CCDC97: variants seen among roughly 807,000 people sequenced by gnomAD.
The protein encoded by CCDC97 is coiled-coil domain-containing protein 97.
A neutral mutation model predicts 33.9 loss-of-function variants in CCDC97; 27 were observed. The observed-to-expected ratio is 0.80, with a 90% CI of 0.59 to 1.10. The LOEUF (loss-of-function observed/expected upper bound fraction) is 1.10. Among genes scored for constraint, CCDC97 ranks in the 50% least tolerant of loss-of-function variants. The pLI is 0.00. For missense variants in CCDC97, 422 were observed against 476.6 expected (o/e 0.89, Z 1.07); for synonymous variants, 217 against 194.0 (o/e 1.12, Z -0.99).
chr19:41,321,854 C>T (rs539975857), intron 4 of CCDC97, among the ~76,000 whole-genome samples: 5 of 152,292 alleles, frequency 3.3e-5, no homozygotes, highest in African/African-American at 9.6e-5. Context: ...AACCCAAGTG[C>T]GTGCTGCTGG....
Position 41,319,707 on chromosome 19 carries a change from C to T in CCDC97, c.636C>T (p.Ser212=), listed in dbSNP as rs3745294. The T allele has an allele frequency of 5.5e-4, 886 of 1,613,906 alleles. 18 individuals are homozygous for T. In the East Asian group the frequency reaches 0.019, roughly 35 times the overall value. Residue 212 remains serine, a synonymous_variant, in exon 3 of 5, where the codon TCC becomes TCT. Coordinates refer to ENST00000269967, the MANE Select transcript of CCDC97 (RefSeq NM_052848.3). The part of the protein sequence containing the change: ...TPTHQPPKPG[S]PGRPACPLSN... ...CCCACCAGCCCCCCAAGCCCGGGTC[C>T]CCCGGGAGACCTGCTTGCCCGCTCT...
chr19:41,317,222 A>T (rs1047355765), intron 2 of CCDC97, among the ~76,000 whole-genome samples: 1 of 152,196 alleles, frequency 6.6e-6, no homozygotes, highest in African/African-American at 2.4e-5. Context: ...GAGTATGTAC[A>T]TGACCTTGGG....
chr19:41,316,290 C>A, intron 1 of CCDC97, 94 bp from the exon 2 acceptor site: 1 of 956,328 alleles, frequency 1.0e-6, no homozygotes, highest in South Asian at 1.6e-5. Flanking sequence ...AGAATATAGT[C>A]AGTGCCCAGT....
intron 1 of CCDC97, 97 bp downstream of exon 1, chr19:41,310,453 G>A: frequency 6.5e-7 from 1 of 1,528,218 alleles, no homozygotes; most frequent in Non-Finnish European, 8.8e-7. Context: ...TCGTTTTAGG[G>A]GGACACCCAC....
At position 41,315,228 on chromosome 19, in the gene CCDC97, C is replaced by T. The variant is rs77296699; in HGVS notation, c.47-1156C>T. On this transcript the variant is annotated intron_variant, in intron 1 of 4. Coordinates refer to ENST00000269967, the MANE Select transcript of CCDC97 (RefSeq NM_052848.3). Reference sequence around the variant, plus strand: ...GGCAGAGAATTGCTTGAACCTGAGGCGGAGGTTGCAGTGAATCAAGATTGC... The same window carrying T: ...GGCAGAGAATTGCTTGAACCTGAGGTGGAGGTTGCAGTGAATCAAGATTGC... Among the ~76,000 whole-genome samples, 446 of 135,542 alleles carry T rather than the reference C, an allele frequency of 3.3e-3. 5 individuals carry two copies. Among genetic ancestry groups the T allele is most frequent in the African/African-American group, 0.012 (428 of 35,648 alleles). 88.9% of individuals were successfully genotyped at this position (135,542 alleles called of 152,430 possible). A position where few individuals can be genotyped will look rare whatever the true frequency, so the allele number is the denominator to read the frequency against.
In CCDC97 at chr19:41,310,221, C is replaced by T; in HGVS notation, c.-90C>T. The T allele has an allele frequency of 2.6e-6, 4 of 1,528,362 alleles. No homozygotes were observed. The South Asian group carries it at 4.8e-5, about 18-fold the overall frequency. The allele number at this position is 1,528,362 out of a possible 1,614,324, so 94.7% of individuals were successfully genotyped here. Reference sequence around the variant, plus strand: ...CGCAGCGGTGCACCCGGACCCGGAACATTCTCAGGCGAAAGTGTCTCTTGC... The same window carrying T: ...CGCAGCGGTGCACCCGGACCCGGAATATTCTCAGGCGAAAGTGTCTCTTGC... On this transcript the variant is annotated 5_prime_UTR_variant, in exon 1 of 5. Coordinates refer to ENST00000269967, the MANE Select transcript of CCDC97 (RefSeq NM_052848.3).
At position 41,313,810 on chromosome 19, in the gene CCDC97, G is replaced by A. The variant is rs1406618540; in HGVS notation, c.47-2574G>A. 4.0e-5 allele frequency among the ~76,000 whole-genome samples: 6 copies of A among 151,868 alleles called. No individual in the cohort carries two copies. In the South Asian group the frequency reaches 1.2e-3, roughly 32 times the overall value. On this transcript the variant is annotated intron_variant, in intron 1 of 4. Coordinates refer to ENST00000269967, the MANE Select transcript of CCDC97 (RefSeq NM_052848.3). Reference sequence around the variant, plus strand: ...TGCCTCATGGGTTCAAGCGATTCTTGTGCCTCTGCTTCCTGAGTAGCAGGG... The same window carrying A: ...TGCCTCATGGGTTCAAGCGATTCTTATGCCTCTGCTTCCTGAGTAGCAGGG...
intron 2 of CCDC97, 149 bp from the exon 3 acceptor site, chr19:41,319,425 G>C (rs2037789798): frequency 1.6e-6 from 1 of 630,812 alleles, no homozygotes; most frequent in Non-Finnish European, 2.7e-6. Flanking sequence ...TCAGGTGCCT[G>C]CATGTTTTCC....
At chr19:41,320,201 G>A in intron 3 of CCDC97, 140 bp from the exon 4 acceptor site, 1 of 1,080,716 alleles carries the variant, frequency 9.3e-7, no homozygotes, top group South Asian at 1.4e-5. Flanking sequence ...GCAGGGACCA[G>A]GGCCATCTCT....
At chr19:41,318,557 G>A (rs2037777913) in intron 2 of CCDC97, among the ~76,000 whole-genome samples, 1 of 152,220 alleles carries the variant, frequency 6.6e-6, no homozygotes, top group Admixed American at 6.5e-5. Flanking sequence ...ACAGCCTATG[G>A]TGCTGCAGAG....
chr19:41,314,866 G>A (rs1163752518), intron 1 of CCDC97, among the ~76,000 whole-genome samples: 1 of 152,098 alleles, frequency 6.6e-6, no homozygotes, highest in Non-Finnish European at 1.5e-5. Flanking sequence ...GCCGGGTCCA[G>A]TGGTGCACGC....
At chr19:41,317,511 T>A (rs759257925) in intron 2 of CCDC97, among the ~76,000 whole-genome samples, 5 of 151,562 alleles carry the variant, frequency 3.3e-5, no homozygotes, top group Non-Finnish European at 7.4e-5. Context: ...TTACTTGAGC[T>A]CATGAGTTCA....
At chr19:41,321,980 T>TCAAAATGC (rs1422954383) in intron 4 of CCDC97, among the ~76,000 whole-genome samples, 3 of 152,182 alleles carry the variant, frequency 2.0e-5, no homozygotes. Flanking sequence ...CGTCAAAATG[T>TCAAAATGC]CAAAATGCCG....
intron 1 of CCDC97, among the ~76,000 whole-genome samples, chr19:41,315,689 C>T (rs537925066): frequency 2.6e-5 from 4 of 151,838 alleles, no homozygotes; most frequent in Admixed American, 1.3e-4. Context: ...GCTCAGGAGG[C>T]TGAGGTGGGA....
Position 41,316,340 on chromosome 19 carries a change from C to T in CCDC97, c.47-44C>T. ...TGAGTGACTAAGCCCCCAGTCCCTTCCCACACTCCCATCTCTGAACTAACC... is the reference window on the plus strand; with the variant it reads ...TGAGTGACTAAGCCCCCAGTCCCTTTCCACACTCCCATCTCTGAACTAACC... On this transcript the variant is annotated intron_variant, in intron 1 of 4. Coordinates refer to ENST00000269967, the MANE Select transcript of CCDC97 (RefSeq NM_052848.3). The T allele has an allele frequency of 1.3e-6, 2 of 1,504,862 alleles. 1 individual carries two copies. The highest frequency in any genetic ancestry group is 2.4e-5 in the South Asian group (2 of 84,512). 93.2% of individuals were successfully genotyped at this position (1,504,862 alleles called of 1,614,324 possible).
intron 1 of CCDC97, among the ~76,000 whole-genome samples, chr19:41,311,990 C>T (rs1454931321): frequency 5.9e-5 from 9 of 152,204 alleles, no homozygotes; most frequent in Non-Finnish European, 1.0e-4. Flanking sequence ...CTCCTGCTCA[C>T]GACTGTCTGA....
Position 41,319,709 on chromosome 19 carries a change from C to G in CCDC97, c.638C>G (p.Pro213Arg). 6.2e-7 allele frequency: 1 copy of G among 1,613,978 alleles called. No individual in the cohort carries two copies. Among genetic ancestry groups the G allele is most frequent in the Non-Finnish European group, 8.5e-7 (1 of 1,179,884 alleles). Residue 213 changes from proline (P) to arginine (R), a missense_variant, in exon 3 of 5, where the codon CCC becomes CGC. Transcript: ENST00000269967. ...PTHQPPKPGS[P>R]GRPACPLSNL... ...CACCAGCCCCCCAAGCCCGGGTCCC[C>G]CGGGAGACCTGCTTGCCCGCTCTCC... is the stretch of plus-strand genomic sequence containing the variant.
Position 41,318,475 on chromosome 19 carries a change from A to G in CCDC97, c.503-1099A>G, listed in dbSNP as rs1173547535. On this transcript the variant is annotated intron_variant, in intron 2 of 4. Transcript: ENST00000269967. ...TCCATCTCAAAAAACTGAGTCTGCT[A>G]GAGGATGCCACAAACAGCTGGGGGT... Among the ~76,000 whole-genome samples, 15 of 152,308 alleles carry G rather than the reference A, an allele frequency of 9.8e-5. No individual in the cohort carries two copies. The East Asian group carries it at 2.9e-3, about 29-fold the overall frequency.
In CCDC97 at chr19:41,316,851, A is replaced by G. The variant is rs761306765; in HGVS notation, c.502+12A>G. On this transcript the variant is annotated intron_variant, in intron 2 of 4. Transcript: ENST00000269967. ...AGAGCTGATCCAAGGTGTGGGGGCC[A>G]GATGGGCGACAGTGGGCACATATGG... is the stretch of plus-strand genomic sequence containing the variant. 5 of 1,569,998 alleles carry G rather than the reference A, an allele frequency of 3.2e-6. No homozygotes were observed. Among genetic ancestry groups the G allele is most frequent in the South Asian group, 1.1e-5 (1 of 88,298 alleles).
Sources: allele counts gnomAD v4.1 joint callset (sites outside exome capture counted in the v4.1 genomes callset), GRCh38; gene constraint gnomAD v4.1.1; transcripts MANE v1.5; gene names NCBI Gene and HGNC (gene_info 2026-07-23, HGNC 2026-07-21).